The following PLXNA4 variants were observed in gnomAD, a reference collection of about 807,000 sequenced individuals.
PLXNA4 encodes plexin A4, also known as plexin-A4.
A neutral mutation model predicts 191.8 loss-of-function variants in PLXNA4; 44 were observed. The ratio of observed to expected loss-of-function variants is 0.23; its 90% CI spans 0.18 to 0.29. The LOEUF is 0.29. PLXNA4 is among the 10% of genes least tolerant of loss of function. The pLI is 1.00. For missense variants in PLXNA4, 1,800 were observed against 2,488.8 expected (o/e 0.72, Z 5.89); for synonymous variants, 1,082 against 1,009.5 (o/e 1.07, Z -1.36).
At chr7:132,616,450 C>G (rs1212236522) in intron 2 of PLXNA4, among the ~76,000 whole-genome samples, 1 of 152,194 alleles carries the variant, frequency 6.6e-6, no homozygotes, top group Non-Finnish European at 1.5e-5. Flanking sequence ...CAAGAGCCCT[C>G]AGCACTTACA....
At position 132,241,181 on chromosome 7, in the gene PLXNA4, T is replaced by C. The variant is rs746123231; in HGVS notation, c.1504-15A>G. The C allele has an allele frequency of 2.5e-6, 4 of 1,599,714 alleles. No homozygotes were observed. The highest frequency in any genetic ancestry group is 1.3e-5 in the African/African-American group (1 of 74,592). On this transcript the variant is annotated splice_polypyrimidine_tract_variant and intron_variant, in intron 4 of 31. Coordinates refer to ENST00000321063, the MANE Select transcript of PLXNA4 (RefSeq NM_020911.2). ...ACTCTGGTGAGCTAGGACAGCAGGA[T>C]AGGGAGAAGGTGGTCAAGATTTTGC...
Position 132,591,406 on chromosome 7 carries a change from T to C in PLXNA4, c.-87+54522A>G, listed in dbSNP as rs868485051. ...TCAAGCAGGCTGTGAAGAGCACAAA[T>C]TGCCAGAGTGAATTATGAGTGCCTA... On this transcript the variant is annotated intron_variant, in intron 2 of 4. Coordinates refer to the PLXNA4 transcript ENST00000378539. 3.9e-5 allele frequency among the ~76,000 whole-genome samples: 6 copies of C among 152,282 alleles called. 1 individual carries two copies. The South Asian group carries it at 1.2e-3, about 32-fold the overall frequency.
At chr7:132,453,621 A>C (rs1211218942) in intron 3 of PLXNA4, among the ~76,000 whole-genome samples, 1 of 151,812 alleles carries the variant, frequency 6.6e-6, no homozygotes, top group East Asian at 1.9e-4. Flanking sequence ...GGCTCACTGC[A>C]ACCTCCAACT....
chr7:132,307,310 C>T (rs1322537956), intron 3 of PLXNA4, among the ~76,000 whole-genome samples: 1 of 152,160 alleles, frequency 6.6e-6, no homozygotes, highest in African/African-American at 2.4e-5. Flanking sequence ...TTTCACAGCG[C>T]TTGTCCCCTT....
chr7:132,181,741 G>A, intron 17 of PLXNA4, 121 bp from the exon 18 acceptor site: 1 of 1,470,306 alleles, frequency 6.8e-7, no homozygotes. Flanking sequence ...GAGGATTAGA[G>A]ATGAGTCAGG....
chr7:132,511,473 T>C (rs538903730), intron 1 of PLXNA4, among the ~76,000 whole-genome samples: 3 of 152,198 alleles, frequency 2.0e-5, no homozygotes, highest in African/African-American at 7.2e-5. Context: ...CAAACAGAAA[T>C]CCTGGGATAT....
rs71178034 is a variant in PLXNA4 at position 132,311,193 on chromosome 7, T to TGTGTGTGTGTGTGTGTGTGCGC, written c.1372-12972_1372-12971insGCGCACACACACACACACACAC. ...GTGTGTGTGTGTGTGTGTGTGTGTG[T>TGTGTGTGTGTGTGTGTGTGCGC]GCGCGTGTGGCCTAAAGGAGGGTCA... On this transcript the variant is annotated intron_variant, in intron 3 of 31. Transcript: ENST00000321063. Among the ~76,000 whole-genome samples, 120 of 89,904 alleles carry TGTGTGTGTGTGTGTGTGTGCGC rather than the reference T, an allele frequency of 1.3e-3. 1 individual carries two copies. The highest frequency in any genetic ancestry group is 5.3e-3 in the Middle Eastern group (1 of 190). The allele number at this position is 89,904 out of a possible 152,430, so 59.0% of individuals were successfully genotyped here. A position where few individuals can be genotyped will look rare whatever the true frequency, so the allele number is the denominator to read the frequency against.
intron 2 of PLXNA4, among the ~76,000 whole-genome samples, chr7:132,632,712 A>AT (rs1803517466): frequency 6.6e-6 from 1 of 152,202 alleles, no homozygotes; most frequent in Non-Finnish European, 1.5e-5. Flanking sequence ...CTATCATTTC[A>AT]TTTTTTAAAT....
At chr7:132,269,204 A>G (rs868243459) in intron 4 of PLXNA4, among the ~76,000 whole-genome samples, 27 of 152,176 alleles carry the variant, frequency 1.8e-4, no homozygotes, top group African/African-American at 5.8e-4. Flanking sequence ...TATGAGAGCA[A>G]GGAAGGCCAT....
intron 1 of PLXNA4, among the ~76,000 whole-genome samples, chr7:132,531,207 G>A (rs1034798917): frequency 6.6e-6 from 1 of 152,068 alleles, no homozygotes; most frequent in Non-Finnish European, 1.5e-5. Context: ...CGCTTAAAAT[G>A]GTTAAAATGG....
intron 3 of PLXNA4, among the ~76,000 whole-genome samples, chr7:132,309,315 G>A (rs892245972): frequency 6.6e-6 from 1 of 152,178 alleles, no homozygotes; most frequent in East Asian, 1.9e-4. Flanking sequence ...GACCCAGGGA[G>A]GATGGAGGGC....
chr7:132,173,585 T>C (rs567732049), intron 21 of PLXNA4, among the ~76,000 whole-genome samples: 1 of 152,330 alleles, frequency 6.6e-6, no homozygotes, highest in Middle Eastern at 3.4e-3. Flanking sequence ...CAAGCAAGTA[T>C]GGAGAAACGT....
intron 1 of PLXNA4, among the ~76,000 whole-genome samples, chr7:132,573,749 T>C (rs1170606614): frequency 6.6e-6 from 1 of 152,142 alleles, no homozygotes; most frequent in Non-Finnish European, 1.5e-5. Context: ...GGAGGACAGA[T>C]GAGAGCCCGG....
intron 3 of PLXNA4, among the ~76,000 whole-genome samples, chr7:132,302,728 G>T (rs1189626332): frequency 6.6e-6 from 1 of 151,676 alleles, no homozygotes; most frequent in Non-Finnish European, 1.5e-5. Flanking sequence ...CTCAAGAACA[G>T]CCTAGGAAAG....
intron 3 of PLXNA4, among the ~76,000 whole-genome samples, chr7:132,352,834 T>C (rs1025300147): frequency 6.6e-6 from 1 of 152,190 alleles, no homozygotes; most frequent in Non-Finnish European, 1.5e-5. Flanking sequence ...CCCTTTGCTG[T>C]ACAAATTTCA....
chr7:132,366,807 G>A (rs1804206336), intron 3 of PLXNA4, among the ~76,000 whole-genome samples: 1 of 152,152 alleles, frequency 6.6e-6, no homozygotes, highest in Admixed American at 6.5e-5. Flanking sequence ...TGTTGTCCAG[G>A]CTGGAGTGCA....
Position 132,437,615 on chromosome 7 carries a change from G to A in PLXNA4, c.1371+51677C>T, listed in dbSNP as rs139094524. On this transcript the variant is annotated intron_variant, in intron 3 of 31. Coordinates refer to ENST00000321063, the MANE Select transcript of PLXNA4 (RefSeq NM_020911.2). ...AAAAGCCACCAGCCCTGTACCCTCC[G>A]CACCAAGAGATCCTTAGCTTGTTGC... Among the ~76,000 whole-genome samples the A allele has an allele frequency of 3.2e-4, 48 of 149,124 alleles. No individual in the cohort carries two copies. The East Asian group carries it at 8.0e-3, about 25-fold the overall frequency.
chr7:132,459,885 T>C (rs998549267), intron 3 of PLXNA4, among the ~76,000 whole-genome samples: 13 of 152,196 alleles, frequency 8.5e-5, no homozygotes, highest in Non-Finnish European at 1.5e-5. Flanking sequence ...TGTGAAAATA[T>C]CTGATTTTTT....
At chr7:132,405,937 G>T (rs1401579697) in intron 3 of PLXNA4, among the ~76,000 whole-genome samples, 1 of 152,162 alleles carries the variant, frequency 6.6e-6, no homozygotes, top group Non-Finnish European at 1.5e-5. Flanking sequence ...TTTAAAAGAA[G>T]GTTGGCCACA....
Sources: allele counts gnomAD v4.1 joint callset (sites outside exome capture counted in the v4.1 genomes callset), GRCh38; gene constraint gnomAD v4.1.1; transcripts MANE v1.5; gene names NCBI Gene and HGNC (gene_info 2026-07-23, HGNC 2026-07-21).